VAT1L: variants seen among roughly 807,000 people sequenced by gnomAD.
VAT1L encodes the protein vesicle amine transport 1 like.
VAT1L carries 34 observed loss-of-function variants against 44.1 expected under a neutral mutation model. That is an observed-to-expected ratio of 0.77 (90% CI 0.59 to 1.03). VAT1L has a LOEUF of 1.03. Ranked by LOEUF, VAT1L falls within the 50% of genes least tolerant of loss-of-function variation. The probability of loss-of-function intolerance (pLI) is 0.00; values close to 1 mark genes in which losing one functional copy is unlikely to be tolerated. For synonymous variants in VAT1L, 253 were observed against 202.2 expected, an observed-to-expected ratio of 1.25 and a Z score of -2.13; for missense variants, 615 against 538.8, an observed-to-expected ratio of 1.14 and a Z score of -1.40.
At position 77,974,705 on chromosome 16, in the gene VAT1L, G is replaced by C. The variant is rs988654484; in HGVS notation, c.1161+2772G>C. Among the ~76,000 whole-genome samples, 2 of 152,224 alleles carry C rather than the reference G, an allele frequency of 1.3e-5. 1 individual carries two copies. The highest frequency in any genetic ancestry group is 1.3e-4 in the Admixed American group (2 of 15,306). ...AGTCTCCTGAGTAGCTGGAATTACA[G>C]GCACATGCCACCACACCCAGCTAAT... On this transcript the variant is annotated intron_variant, in intron 8 of 8. Coordinates refer to ENST00000302536, the MANE Select transcript of VAT1L (RefSeq NM_020927.3).
At chr16:77,849,469 G>C (rs186579026) in intron 3 of VAT1L, among the ~76,000 whole-genome samples, 1 of 152,334 alleles carries the variant, frequency 6.6e-6, no homozygotes, top group Non-Finnish European at 1.5e-5. Flanking sequence ...GATGACAGCA[G>C]TGGTCCTAGT....
intron 7 of VAT1L, among the ~76,000 whole-genome samples, chr16:77,938,949 G>C (rs571624517): frequency 6.6e-6 from 1 of 152,216 alleles, no homozygotes; most frequent in South Asian, 2.1e-4. Context: ...AGAGAGGAGT[G>C]GGTTGGGTGG....
chr16:77,906,511 T>A (rs557367937), intron 7 of VAT1L, among the ~76,000 whole-genome samples: 1 of 152,320 alleles, frequency 6.6e-6, no homozygotes, highest in South Asian at 2.1e-4. Context: ...AGGAACTTAT[T>A]TGAGAAATGA....
At chr16:77,927,661 A>G (rs1291888324) in intron 7 of VAT1L, among the ~76,000 whole-genome samples, 1 of 152,054 alleles carries the variant, frequency 6.6e-6, no homozygotes, top group Non-Finnish European at 1.5e-5. Flanking sequence ...GCGGATCATG[A>G]GGTCAGGAGT....
chr16:77,907,710 A>G (rs745961132), intron 7 of VAT1L, among the ~76,000 whole-genome samples: 6 of 152,080 alleles, frequency 3.9e-5, no homozygotes, highest in Non-Finnish European at 8.8e-5. Context: ...CCAACAGTTA[A>G]TTTACAAGCT....
chr16:77,954,540 G>A (rs961503745), intron 7 of VAT1L, among the ~76,000 whole-genome samples: 14 of 152,110 alleles, frequency 9.2e-5, no homozygotes, highest in Non-Finnish European at 1.3e-4. Context: ...CAGGAGAATC[G>A]CTTGAACCCG....
At chr16:77,955,050 G>A (rs143000415) in intron 7 of VAT1L, among the ~76,000 whole-genome samples, 4 of 152,210 alleles carry the variant, frequency 2.6e-5, no homozygotes, top group East Asian at 1.9e-4. Context: ...GTTCATGAGC[G>A]CCTATTGAGC....
At chr16:77,871,951 G>T (rs963805176) in intron 4 of VAT1L, among the ~76,000 whole-genome samples, 3 of 152,086 alleles carry the variant, frequency 2.0e-5, no homozygotes, top group African/African-American at 7.2e-5. Context: ...AGACTTGAAG[G>T]TGGGGCATTT....
At chr16:77,896,492 G>C (rs181934931) in intron 7 of VAT1L, among the ~76,000 whole-genome samples, 97 of 152,048 alleles carry the variant, frequency 6.4e-4, no homozygotes, top group African/African-American at 2.1e-3. Flanking sequence ...TTAGCTTAAT[G>C]ACTGACAGAG....
intron 6 of VAT1L, among the ~76,000 whole-genome samples, chr16:77,882,891 A>G (rs1210954160): frequency 6.6e-6 from 1 of 152,196 alleles, no homozygotes; most frequent in Non-Finnish European, 1.5e-5. Context: ...TCACCACACC[A>G]TCTGTGCCAC....
chr16:77,939,670 A>C (rs1301127083), intron 7 of VAT1L, among the ~76,000 whole-genome samples: 2 of 152,186 alleles, frequency 1.3e-5, no homozygotes. Context: ...GACCAAAAAG[A>C]TACACAGAGA....
chr16:77,926,618 A>C (rs1021839096), intron 7 of VAT1L, among the ~76,000 whole-genome samples: 2 of 152,158 alleles, frequency 1.3e-5, no homozygotes, highest in Admixed American at 1.3e-4. Context: ...GCTAAAAGAT[A>C]CGGTGGTTGA....
At chr16:77,909,178 C>T (rs2017472187) in intron 7 of VAT1L, among the ~76,000 whole-genome samples, 1 of 152,106 alleles carries the variant, frequency 6.6e-6, no homozygotes, top group Non-Finnish European at 1.5e-5. Flanking sequence ...AAATGAGGCA[C>T]AGAGGAGTAA....
chr16:77,796,997 G>C (rs1185748758), intron 1 of VAT1L, among the ~76,000 whole-genome samples: 1 of 152,160 alleles, frequency 6.6e-6, no homozygotes, highest in Non-Finnish European at 1.5e-5. Context: ...AGGAAGATGA[G>C]GGTTGAAAAT....
chr16:77,823,142 G>C (rs980049145), intron 2 of VAT1L, among the ~76,000 whole-genome samples: 9 of 151,792 alleles, frequency 5.9e-5, no homozygotes. Context: ...CGCAGAACTG[G>C]CCAACCTGGA....
intron 7 of VAT1L, among the ~76,000 whole-genome samples, chr16:77,934,889 C>A (rs1255643397): frequency 6.6e-6 from 1 of 152,120 alleles, no homozygotes; most frequent in Non-Finnish European, 1.5e-5. Flanking sequence ...AGGGCCCGGT[C>A]TGGTGGATGA....
chr16:77,929,064 T>C (rs754494071), intron 7 of VAT1L, among the ~76,000 whole-genome samples: 1 of 152,198 alleles, frequency 6.6e-6, no homozygotes, highest in African/African-American at 2.4e-5. Context: ...ATCCGCCCCC[T>C]TGGCCTCCCA....
chr16:77,936,008 A>T (rs2017791435), intron 7 of VAT1L, among the ~76,000 whole-genome samples: 1 of 151,958 alleles, frequency 6.6e-6, no homozygotes, highest in Non-Finnish European at 1.5e-5. Context: ...ACACTCCTTA[A>T]TTTTCCTCTT....
intron 7 of VAT1L, among the ~76,000 whole-genome samples, chr16:77,909,636 C>T (rs1169065108): frequency 2.2e-4 from 19 of 87,338 alleles, no homozygotes; most frequent in Non-Finnish European, 3.7e-4. Context: ...GACTCTGTCT[C>T]AAAAAAAAAA....
Sources: allele counts gnomAD v4.1 joint callset (sites outside exome capture counted in the v4.1 genomes callset), GRCh38; gene constraint gnomAD v4.1.1; transcripts MANE v1.5; gene names NCBI Gene and HGNC (gene_info 2026-07-23, HGNC 2026-07-21).